SPIRE1: variants seen among roughly 807,000 people sequenced by gnomAD.
The protein encoded by SPIRE1 is spire type actin nucleation factor 1.
A neutral mutation model predicts 94.1 loss-of-function variants in SPIRE1; 40 were observed. The observed-to-expected ratio is 0.43, with a 90% CI of 0.33 to 0.55. The LOEUF is 0.55. SPIRE1 is among the 20% of genes least tolerant of loss of function. The probability of loss-of-function intolerance (pLI) is 0.06; values close to 1 mark genes in which losing one functional copy is unlikely to be tolerated. For synonymous variants in SPIRE1, 376 were observed against 371.7 expected (o/e 1.01, Z -0.13); for missense variants, 838 against 975.2 (o/e 0.86, Z 1.87).
chr18:12,649,651 G>GTTAT (rs1405738189), intron 1 of SPIRE1, among the ~76,000 whole-genome samples: 4 of 152,292 alleles, frequency 2.6e-5, no homozygotes, highest in African/African-American at 9.6e-5. Flanking sequence ...ATAACAAGCA[G>GTTAT]AGTGCAACTC....
intron 2 of SPIRE1, among the ~76,000 whole-genome samples, chr18:12,597,967 T>G (rs1217830982): frequency 6.6e-6 from 1 of 152,198 alleles, no homozygotes. Context: ...CAGCTGGGAC[T>G]GCATTGGCCA....
intron 1 of SPIRE1, among the ~76,000 whole-genome samples, chr18:12,651,527 A>T (rs1362264375): frequency 6.6e-6 from 1 of 152,044 alleles, no homozygotes; most frequent in Non-Finnish European, 1.5e-5. Context: ...TACAAAAATT[A>T]GCCGAGCATG....
At chr18:12,453,335 T>C (rs1189918056) in intron 13 of SPIRE1, among the ~76,000 whole-genome samples, 197 bp from the exon 14 acceptor site, 1 of 152,212 alleles carries the variant, frequency 6.6e-6, no homozygotes, top group African/African-American at 2.4e-5. Flanking sequence ...ATAATTCTAT[T>C]TTAAAAGGTA....
At chr18:12,492,685 A>G (rs1054367152) in intron 8 of SPIRE1, among the ~76,000 whole-genome samples, 5 of 152,212 alleles carry the variant, frequency 3.3e-5, no homozygotes, top group African/African-American at 1.2e-4. Flanking sequence ...ATTCTTACAT[A>G]AAACTCATAA....
chr18:12,477,644 G>A (rs188750967), intron 10 of SPIRE1, among the ~76,000 whole-genome samples: 24 of 152,278 alleles, frequency 1.6e-4, no homozygotes, highest in Admixed American at 6.5e-5. Context: ...CAGTGAAACA[G>A]AGGGATGAGT....
chr18:12,513,762 A>T (rs536740818), intron 4 of SPIRE1, among the ~76,000 whole-genome samples: 2 of 152,254 alleles, frequency 1.3e-5, no homozygotes, highest in South Asian at 4.1e-4. Flanking sequence ...ACCTCAGGTG[A>T]TCCACCCGCC....
rs1200945576 is a variant in SPIRE1 at position 12,446,587 on chromosome 18, T to C, written c.*3051A>G. ...TAATGGAAAACATTTAGTACCATCATGTCACCCTGAATGCCAGCAATACCT... is the reference window on the plus strand; with the variant it reads ...TAATGGAAAACATTTAGTACCATCACGTCACCCTGAATGCCAGCAATACCT... On this transcript the variant is annotated 3_prime_UTR_variant, in exon 17 of 17. Coordinates refer to ENST00000409402, the MANE Select transcript of SPIRE1 (RefSeq NM_001128626.2). 6.6e-6 allele frequency: 1 copy of C among 152,200 alleles called. No homozygotes were observed. The highest frequency in any genetic ancestry group is 1.9e-4 in the East Asian group (1 of 5,192). 9.4% of individuals were successfully genotyped at this position (152,200 alleles called of 1,614,324 possible).
At chr18:12,457,846 C>CTTT (rs201510377) in intron 12 of SPIRE1, among the ~76,000 whole-genome samples, 2 of 132,256 alleles carry the variant, frequency 1.5e-5, no homozygotes, top group African/African-American at 5.6e-5. Context: ...TTTCTTTTTT[C>CTTT]TTTTTTTTTT....
At chr18:12,574,322 G>A (rs1278171622) in intron 2 of SPIRE1, among the ~76,000 whole-genome samples, 1 of 152,172 alleles carries the variant, frequency 6.6e-6, no homozygotes, top group African/African-American at 2.4e-5. Context: ...GCAGATGCAG[G>A]AAGATCAAAT....
intron 1 of SPIRE1, among the ~76,000 whole-genome samples, chr18:12,642,294 A>C (rs2038108707): frequency 1.3e-5 from 2 of 152,150 alleles, no homozygotes; most frequent in Admixed American, 1.3e-4. Flanking sequence ...TTCAGCCTTC[A>C]ATCACCTTTG....
chr18:12,574,993 G>T (rs1401047127), intron 2 of SPIRE1, among the ~76,000 whole-genome samples: 1 of 152,186 alleles, frequency 6.6e-6, no homozygotes, highest in Non-Finnish European at 1.5e-5. Flanking sequence ...GGCAATCTGG[G>T]TGAGTAAACA....
At chr18:12,485,053 C>T (rs938105662) in intron 9 of SPIRE1, among the ~76,000 whole-genome samples, 4 of 151,346 alleles carry the variant, frequency 2.6e-5, no homozygotes, top group African/African-American at 9.7e-5. Context: ...ATCTGAGGCA[C>T]ATAATTATAT....
At chr18:12,488,761 T>G (rs1387839170) in intron 8 of SPIRE1, among the ~76,000 whole-genome samples, 1 of 152,202 alleles carries the variant, frequency 6.6e-6, no homozygotes, top group East Asian at 1.9e-4. Context: ...ACAATCATAC[T>G]TACTGTTCAA....
upstream of SPIRE1, among the ~76,000 whole-genome samples, chr18:12,659,373 G>A (rs2038648049): frequency 6.6e-6 from 1 of 152,140 alleles, no homozygotes; most frequent in South Asian, 2.1e-4. Flanking sequence ...GGAAAATTAA[G>A]AAATTGAAAG....
At chr18:12,605,046 T>C (rs745466660) in intron 2 of SPIRE1, among the ~76,000 whole-genome samples, 2 of 152,136 alleles carry the variant, frequency 1.3e-5, no homozygotes, top group Non-Finnish European at 2.9e-5. Flanking sequence ...GTCAAATGCA[T>C]AGAGACTGAA....
At chr18:12,476,487 G>A (rs2032580620) in intron 10 of SPIRE1, among the ~76,000 whole-genome samples, 1 of 141,234 alleles carries the variant, frequency 7.1e-6, no homozygotes, top group South Asian at 2.3e-4. Flanking sequence ...TTTGCAGTGA[G>A]CAGAGATTGG....
intron 5 of SPIRE1, 50 bp downstream of exon 5, chr18:12,512,404 A>G (rs768590925): frequency 7.5e-7 from 1 of 1,328,952 alleles, no homozygotes; most frequent in Admixed American, 2.1e-5. Context: ...AAAAAAAATT[A>G]TACTATTTCT....
intron 8 of SPIRE1, among the ~76,000 whole-genome samples, chr18:12,492,541 G>T (rs1281839800): frequency 6.6e-6 from 1 of 152,056 alleles, no homozygotes; most frequent in Non-Finnish European, 1.5e-5. Context: ...TAATATTACG[G>T]GTATCTTTAA....
At chr18:12,578,047 C>G (rs891547574) in intron 2 of SPIRE1, among the ~76,000 whole-genome samples, 1 of 152,152 alleles carries the variant, frequency 6.6e-6, no homozygotes, top group African/African-American at 2.4e-5. Flanking sequence ...AAAATACTAA[C>G]AATAATAAGT....
Sources: allele counts gnomAD v4.1 joint callset (sites outside exome capture counted in the v4.1 genomes callset), GRCh38; gene constraint gnomAD v4.1.1; transcripts MANE v1.5; gene names NCBI Gene and HGNC (gene_info 2026-07-23, HGNC 2026-07-21).